The following CPNE8 variants were observed in gnomAD, a reference collection of about 807,000 sequenced individuals.
CPNE8 encodes copine-8.
A neutral mutation model predicts 81.5 loss-of-function variants in CPNE8; 45 were observed. The ratio of observed to expected loss-of-function variants is 0.55; its 90% CI spans 0.44 to 0.71. The LOEUF is 0.71. Among genes scored for constraint, CPNE8 ranks in the 30% least tolerant of loss-of-function variants. The pLI, the probability that CPNE8 is intolerant of heterozygous loss-of-function variation, is 0.00. For missense variants in CPNE8, 594 were observed against 672.1 expected, an observed-to-expected ratio of 0.88 and a Z score of 1.28; for synonymous variants, 252 against 226.3, an observed-to-expected ratio of 1.11 and a Z score of -1.02.
chr12:38,655,495 G>A lies in CPNE8; in HGVS notation c.1507-1425C>T, dbSNP rs532457324. Reference sequence around the variant, plus strand: ...CATTTTAATATGTTGAACAATTTGAGTACAATATATAAAAATTTGAATTAA... The same window carrying A: ...CATTTTAATATGTTGAACAATTTGAATACAATATATAAAAATTTGAATTAA... On this transcript the variant is annotated intron_variant, in intron 19 of 19. Coordinates refer to ENST00000331366, the MANE Select transcript of CPNE8 (RefSeq NM_153634.3). Among the ~76,000 whole-genome samples, 56 of 152,254 alleles carry A rather than the reference G, an allele frequency of 3.7e-4. No homozygotes were observed. The East Asian group carries it at 0.011, about 29-fold the overall frequency.
intron 6 of CPNE8, among the ~76,000 whole-genome samples, chr12:38,791,460 T>C (rs1377495718): frequency 6.6e-6 from 1 of 151,468 alleles, no homozygotes; most frequent in East Asian, 1.9e-4. Flanking sequence ...GAAAAACTTA[T>C]TGGTTGAAAA....
At chr12:38,688,351 G>A (rs549236664) in intron 15 of CPNE8, among the ~76,000 whole-genome samples, 36 of 152,200 alleles carry the variant, frequency 2.4e-4, no homozygotes, top group Non-Finnish European at 3.4e-4. Context: ...TGTCTTAGAC[G>A]ATAAGAATAC....
At chr12:38,729,086 A>G (rs1408505390) in intron 11 of CPNE8, among the ~76,000 whole-genome samples, 1 of 152,082 alleles carries the variant, frequency 6.6e-6, no homozygotes, top group African/African-American at 2.4e-5. Context: ...AGAGAAACTA[A>G]AAGTGGTTAA....
At chr12:38,736,090 G>T (rs1282047707) in intron 10 of CPNE8, among the ~76,000 whole-genome samples, 3 of 151,524 alleles carry the variant, frequency 2.0e-5, no homozygotes, top group Admixed American at 1.3e-4. Context: ...AGGAGAACTA[G>T]GCTAATTTTA....
At chr12:38,794,690 G>A (rs1942412456) in intron 6 of CPNE8, among the ~76,000 whole-genome samples, 1 of 151,258 alleles carries the variant, frequency 6.6e-6, no homozygotes, top group Non-Finnish European at 1.5e-5. Flanking sequence ...CAATAACATG[G>A]CAAAACTGAA....
At chr12:38,712,597 G>A (rs1292207237) in intron 13 of CPNE8, among the ~76,000 whole-genome samples, 3 of 152,158 alleles carry the variant, frequency 2.0e-5, no homozygotes, top group Non-Finnish European at 2.9e-5. Flanking sequence ...AAAATAATCT[G>A]TATGGGGCCT....
intron 6 of CPNE8, among the ~76,000 whole-genome samples, chr12:38,799,395 C>T (rs553370098): frequency 6.6e-6 from 1 of 152,240 alleles, no homozygotes; most frequent in Admixed American, 6.5e-5. Context: ...AAGAAACTCA[C>T]TCTAAACTGC....
chr12:38,738,611 T>C (rs1269867740), intron 10 of CPNE8, among the ~76,000 whole-genome samples: 1 of 152,152 alleles, frequency 6.6e-6, no homozygotes, highest in Non-Finnish European at 1.5e-5. Flanking sequence ...TGTACTGTAA[T>C]CCTTGACATC....
chr12:38,839,908 G>A lies in CPNE8; in HGVS notation c.330+8C>T, dbSNP rs970540259. On this transcript the variant is annotated splice_region_variant and intron_variant, in intron 5 of 19. Transcript: ENST00000331366. ...TAATGTTATAAAAACATAAAAATATGAACTTACATGTTTGGATAAGTTGGG... is the reference window on the plus strand; with the variant it reads ...TAATGTTATAAAAACATAAAAATATAAACTTACATGTTTGGATAAGTTGGG... The A allele has an allele frequency of 1.3e-6, 2 of 1,566,836 alleles. No individual in the cohort carries two copies. The highest frequency in any genetic ancestry group is 1.7e-6 in the Non-Finnish European group (2 of 1,148,478).
At chr12:38,897,589 A>G (rs1944405759) in intron 1 of CPNE8, among the ~76,000 whole-genome samples, 1 of 150,968 alleles carries the variant, frequency 6.6e-6, no homozygotes, top group African/African-American at 2.4e-5. Flanking sequence ...GTACAGGAAA[A>G]ATATTGTATA....
intron 14 of CPNE8, among the ~76,000 whole-genome samples, chr12:38,701,783 C>T (rs1270830863): frequency 2.6e-5 from 4 of 152,152 alleles, no homozygotes; most frequent in African/African-American, 9.7e-5. Context: ...CATGAGCCAC[C>T]ATGCCTGGCC....
intron 6 of CPNE8, among the ~76,000 whole-genome samples, chr12:38,794,091 C>A (rs916606252): frequency 2.0e-5 from 3 of 152,008 alleles, no homozygotes; most frequent in Admixed American, 2.0e-4. Context: ...TAAACATAAT[C>A]CCCCAAAAGA....
At chr12:38,682,564 T>C (rs1939434594) in intron 16 of CPNE8, among the ~76,000 whole-genome samples, 1 of 152,168 alleles carries the variant, frequency 6.6e-6, no homozygotes, top group Non-Finnish European at 1.5e-5. Context: ...AAACCTCATG[T>C]GGTATTCAGA....
intron 3 of CPNE8, among the ~76,000 whole-genome samples, chr12:38,866,971 G>T (rs1943923469): frequency 6.6e-6 from 1 of 152,072 alleles, no homozygotes; most frequent in South Asian, 2.1e-4. Flanking sequence ...CGATTCTCCT[G>T]CCTCAACCTC....
intron 11 of CPNE8, among the ~76,000 whole-genome samples, chr12:38,729,022 C>G (rs969341596): frequency 2.6e-5 from 4 of 152,030 alleles, no homozygotes; most frequent in South Asian, 2.1e-4. Flanking sequence ...CTTTATTGGA[C>G]AAGAGAGTCT....
chr12:38,728,170 T>C (rs938630615), intron 11 of CPNE8, among the ~76,000 whole-genome samples: 3 of 152,008 alleles, frequency 2.0e-5, no homozygotes, highest in East Asian at 1.9e-4. Flanking sequence ...ACAACAAAAA[T>C]AAGATATGCA....
chr12:38,843,568 A>C (rs1943507296), intron 4 of CPNE8, among the ~76,000 whole-genome samples: 1 of 152,042 alleles, frequency 6.6e-6, no homozygotes, highest in Non-Finnish European at 1.5e-5. Flanking sequence ...GTTCATCAGT[A>C]AGCTACGGGG....
chr12:38,841,592 A>G (rs1338954662), intron 4 of CPNE8, among the ~76,000 whole-genome samples: 1 of 152,180 alleles, frequency 6.6e-6, no homozygotes, highest in Non-Finnish European at 1.5e-5. Flanking sequence ...CAAGCAAACA[A>G]ACAGGAGGTT....
chr12:38,871,133 G>A (rs1334774597), intron 3 of CPNE8, among the ~76,000 whole-genome samples: 1 of 152,176 alleles, frequency 6.6e-6, no homozygotes, highest in African/African-American at 2.4e-5. Context: ...TTTGAGCTGA[G>A]GCTGCCCTTA....
Sources: allele counts gnomAD v4.1 joint callset (sites outside exome capture counted in the v4.1 genomes callset), GRCh38; gene constraint gnomAD v4.1.1; transcripts MANE v1.5; gene names NCBI Gene and HGNC (gene_info 2026-07-23, HGNC 2026-07-21).